The following SLC10A7 variants were observed in gnomAD, a reference collection of about 807,000 sequenced individuals.
The protein encoded by SLC10A7 is solute carrier family 10 member 7, also known as sodium/bile acid cotransporter 7.
SLC10A7 carries 29 observed loss-of-function variants against 43.2 expected under a neutral mutation model. The observed-to-expected ratio is 0.67, with a 90% CI of 0.50 to 0.92. The LOEUF (loss-of-function observed/expected upper bound fraction) is 0.92. Among genes scored for constraint, SLC10A7 ranks in the 40% least tolerant of loss-of-function variants. The probability of loss-of-function intolerance (pLI) is 0.00; values close to 1 mark genes in which losing one functional copy is unlikely to be tolerated. For missense variants in SLC10A7, 295 were observed against 403.2 expected (o/e 0.73, Z 2.30); for synonymous variants, 152 against 144.8 (o/e 1.05, Z -0.35).
chr4:146,457,525 A>G (rs1296164601), intron 4 of SLC10A7, among the ~76,000 whole-genome samples: 1 of 151,876 alleles, frequency 6.6e-6, no homozygotes, highest in Admixed American at 6.6e-5. Context: ...CGCCCCAAAA[A>G]ACATTCTTAA....
At chr4:146,266,970 C>T (rs1728598891) in intron 10 of SLC10A7, among the ~76,000 whole-genome samples, 1 of 152,178 alleles carries the variant, frequency 6.6e-6, no homozygotes, top group Non-Finnish European at 1.5e-5. Context: ...AGGCACTCTT[C>T]TAGGTGCAGT....
chr4:146,448,601 T>C (rs563978949), intron 4 of SLC10A7, among the ~76,000 whole-genome samples: 2 of 152,282 alleles, frequency 1.3e-5, no homozygotes, highest in Admixed American at 1.3e-4. Flanking sequence ...TTACATTGAG[T>C]ATGAATAATT....
At chr4:146,272,660 G>A (rs1314224647) in intron 10 of SLC10A7, among the ~76,000 whole-genome samples, 1 of 152,136 alleles carries the variant, frequency 6.6e-6, no homozygotes, top group Non-Finnish European at 1.5e-5. Context: ...AAGGACAATT[G>A]TTTTTTATCG....
At chr4:146,414,143 T>A (rs1352271759) in intron 5 of SLC10A7, among the ~76,000 whole-genome samples, 1 of 152,130 alleles carries the variant, frequency 6.6e-6, no homozygotes, top group Non-Finnish European at 1.5e-5. Context: ...TGCTCAGGTA[T>A]AGCCTTGGGG....
At chr4:146,320,418 T>A (rs150428252) in intron 6 of SLC10A7, among the ~76,000 whole-genome samples, 1 of 152,038 alleles carries the variant, frequency 6.6e-6, no homozygotes, top group East Asian at 1.9e-4. Context: ...GTGGGTATAG[T>A]TAGATGGATC....
At chr4:146,497,400 A>G (rs1735993884) in intron 4 of SLC10A7, among the ~76,000 whole-genome samples, 1 of 152,132 alleles carries the variant, frequency 6.6e-6, no homozygotes. Context: ...ACTTTTATCT[A>G]TTACAACTCT....
At chr4:146,403,804 CT>C (rs2149820230) in intron 5 of SLC10A7, among the ~76,000 whole-genome samples, 1 of 152,232 alleles carries the variant, frequency 6.6e-6, no homozygotes, top group Non-Finnish European at 1.5e-5. Flanking sequence ...AAAATCCAAA[CT>C]CTTTGAGTCC....
At chr4:146,258,612 G>C in intron 11 of SLC10A7, 80 bp downstream of exon 11, 3 of 1,377,062 alleles carry the variant, frequency 2.2e-6, no homozygotes, top group Non-Finnish European at 1.9e-6. Flanking sequence ...AAGCAAAATC[G>C]AAAGTGTATG....
intron 5 of SLC10A7, among the ~76,000 whole-genome samples, chr4:146,374,605 TATATATATACAC>T (rs1315321780): frequency 5.3e-5 from 7 of 131,422 alleles, no homozygotes; most frequent in African/African-American, 2.2e-4. Flanking sequence ...TATATACATA[TATATATATACAC>T]ATACACACAC....
intron 5 of SLC10A7, among the ~76,000 whole-genome samples, chr4:146,396,408 C>T (rs1282107245): frequency 6.6e-6 from 1 of 151,994 alleles, no homozygotes; most frequent in African/African-American, 2.4e-5. Context: ...TTATTTTTTA[C>T]ATTATGGTAT....
intron 5 of SLC10A7, among the ~76,000 whole-genome samples, chr4:146,426,378 C>T (rs1729356041): frequency 6.6e-6 from 1 of 152,166 alleles, no homozygotes; most frequent in Admixed American, 6.5e-5. Flanking sequence ...ACCTCTCCTT[C>T]TTTATGAAGA....
chr4:146,255,864 C>G lies in SLC10A7; in HGVS notation c.*627G>C, dbSNP rs1727860330. On this transcript the variant is annotated 3_prime_UTR_variant, in exon 12 of 12. Transcript: ENST00000335472. ...AAACATTCAGACCCTTTCTTTGAAG[C>G]AGCTTATAATAAATTTAAGACATAT... 6.6e-6 allele frequency: 1 copy of G among 152,170 alleles called. No homozygotes were observed. Among genetic ancestry groups the G allele is most frequent in the Non-Finnish European group, 1.5e-5 (1 of 68,042 alleles). The allele number at this position is 152,170 out of a possible 1,614,324, so 9.4% of individuals were successfully genotyped here.
chr4:146,282,070 T>C lies in SLC10A7; in HGVS notation c.847+1122A>G, dbSNP rs533870997. 6.6e-5 allele frequency among the ~76,000 whole-genome samples: 10 copies of C among 152,318 alleles called. 1 individual carries two copies. In the South Asian group the frequency reaches 1.7e-3, roughly 25 times the overall value. The stretch of plus-strand genomic sequence containing the variant: ...AAAGGTTAAGGTTCAGGGAAGTTAA[T>C]TGATTTGTCTAAGGTCACAAAATTA... On this transcript the variant is annotated intron_variant, in intron 10 of 11. Coordinates refer to ENST00000335472, the MANE Select transcript of SLC10A7 (RefSeq NM_001029998.6).
chr4:146,322,545 A>G (rs1316989674), intron 6 of SLC10A7, among the ~76,000 whole-genome samples: 4 of 152,088 alleles, frequency 2.6e-5, no homozygotes, highest in African/African-American at 7.2e-5. Context: ...TACAAAGGAC[A>G]TGAATTCATC....
At chr4:146,414,682 C>G (rs1246674916) in intron 5 of SLC10A7, among the ~76,000 whole-genome samples, 1 of 151,062 alleles carries the variant, frequency 6.6e-6, no homozygotes, top group Non-Finnish European at 1.5e-5. Context: ...GAGGTTATAC[C>G]ACTGCATACC....
At chr4:146,339,644 T>C (rs1349227097) in intron 5 of SLC10A7, among the ~76,000 whole-genome samples, 1 of 151,936 alleles carries the variant, frequency 6.6e-6, no homozygotes, top group Non-Finnish European at 1.5e-5. Flanking sequence ...TCCTTCCCTA[T>C]CTACCTCTCA....
At chr4:146,288,927 A>G (rs537726427) in intron 9 of SLC10A7, among the ~76,000 whole-genome samples, 89 of 152,252 alleles carry the variant, frequency 5.8e-4, no homozygotes, top group African/African-American at 2.1e-3. Flanking sequence ...TGTTTTCCAC[A>G]TAATGTTTAT....
intron 9 of SLC10A7, 95 bp from the exon 10 acceptor site, chr4:146,283,360 C>A: frequency 1.1e-6 from 1 of 906,030 alleles, no homozygotes; most frequent in East Asian, 2.6e-5. Flanking sequence ...TGTTAACATC[C>A]CTTTGATCAA....
chr4:146,382,812 T>C (rs137898757), intron 5 of SLC10A7, among the ~76,000 whole-genome samples: 160 of 152,252 alleles, frequency 1.1e-3, no homozygotes, highest in Non-Finnish European at 1.8e-3. Context: ...CTCTTCATAA[T>C]ATCTAGTTTT....
Sources: allele counts gnomAD v4.1 joint callset (sites outside exome capture counted in the v4.1 genomes callset), GRCh38; gene constraint gnomAD v4.1.1; transcripts MANE v1.5; gene names NCBI Gene and HGNC (gene_info 2026-07-23, HGNC 2026-07-21).